Variants in FAM184B observed in about 807,000 individuals in gnomAD.
The protein encoded by FAM184B is protein FAM184B.
In FAM184B, 111 loss-of-function variants were observed where a neutral mutation model predicts 135.9. The observed-to-expected ratio is 0.82, with a 90% CI of 0.70 to 0.96. FAM184B has a LOEUF of 0.96. FAM184B is among the 40% of genes least tolerant of loss of function. FAM184B has a pLI of 0.00. For missense variants in FAM184B, 1,375 were observed against 1,323.9 expected (o/e 1.04, Z -0.60); for synonymous variants, 552 against 524.8 (o/e 1.05, Z -0.71).
intron 7 of FAM184B, among the ~76,000 whole-genome samples, chr4:17,680,243 TA>T: frequency 6.6e-6 from 1 of 152,204 alleles, no homozygotes; most frequent in East Asian, 1.9e-4. Context: ...TTGATGTCAT[TA>T]AAAATTATAT....
At chr4:17,683,980 C>T (rs1716508153) in intron 7 of FAM184B, among the ~76,000 whole-genome samples, 1 of 151,408 alleles carries the variant, frequency 6.6e-6, no homozygotes, top group Non-Finnish European at 1.5e-5. Context: ...GGAGTCTAGG[C>T]AGGAGGATTG....
intron 12 of FAM184B, among the ~76,000 whole-genome samples, chr4:17,642,680 C>T (rs1487669219): frequency 6.6e-6 from 1 of 152,224 alleles, no homozygotes; most frequent in African/African-American, 2.4e-5. Flanking sequence ...AGGGGTGACA[C>T]TGAAGAGAAT....
chr4:17,684,650 T>A (rs1237965548), intron 7 of FAM184B, among the ~76,000 whole-genome samples: 2 of 152,238 alleles, frequency 1.3e-5, no homozygotes, highest in East Asian at 3.8e-4. Flanking sequence ...AATGAATGAA[T>A]AACGTGCATA....
chr4:17,718,770 G>A (rs1049048758), intron 1 of FAM184B, among the ~76,000 whole-genome samples: 1 of 152,242 alleles, frequency 6.6e-6, no homozygotes, highest in African/African-American at 2.4e-5. Context: ...CCCCACCCCA[G>A]AGTGTGGAAT....
chr4:17,721,244 C>T (rs1472111200), intron 1 of FAM184B, among the ~76,000 whole-genome samples: 3 of 151,654 alleles, frequency 2.0e-5, no homozygotes, highest in Non-Finnish European at 4.4e-5. Context: ...ATTAGCCAGG[C>T]GTAGTGGCGG....
chr4:17,781,081 C>G lies in FAM184B; in HGVS notation c.141+78G>C, dbSNP rs538403381. 4.2e-6 allele frequency: 6 copies of G among 1,426,486 alleles called. No individual in the cohort carries two copies. Among genetic ancestry groups the G allele is most frequent in the South Asian group, 1.5e-5 (1 of 67,596 alleles). The allele number at this position is 1,426,486 out of a possible 1,614,324, so 88.4% of individuals were successfully genotyped here. A position where few individuals can be genotyped will look rare whatever the true frequency, so the allele number is the denominator to read the frequency against. ...CTGTCTGGATTTGGCCCGGGCCTCC[C>G]GGGAGGCGCATCCGCACTGACTCCC... is the stretch of plus-strand genomic sequence containing the variant. On this transcript the variant is annotated intron_variant, in intron 1 of 17. Transcript: ENST00000265018. This position sits in a 1 kb window ranked among gnomAD's most constrained non-coding sequence, Gnocchi z 6.5.
intron 7 of FAM184B, among the ~76,000 whole-genome samples, chr4:17,672,221 C>T (rs1162969673): frequency 6.6e-6 from 1 of 151,286 alleles, no homozygotes; most frequent in Admixed American, 6.6e-5. Context: ...AGAAAACTTG[C>T]AGGCCAGAAG....
intron 1 of FAM184B, among the ~76,000 whole-genome samples, chr4:17,717,493 T>C (rs1717421835): frequency 6.6e-6 from 1 of 152,118 alleles, no homozygotes; most frequent in South Asian, 2.1e-4. Context: ...ATCAGACTGC[T>C]CCAGGCCTCA....
At chr4:17,721,107 G>C (rs1219886496) in intron 1 of FAM184B, among the ~76,000 whole-genome samples, 1 of 151,212 alleles carries the variant, frequency 6.6e-6, no homozygotes, top group Non-Finnish European at 1.5e-5. Flanking sequence ...AATCTCGGCT[G>C]GGCGCGGTGG....
At chr4:17,694,453 G>C (rs1338124252) in intron 5 of FAM184B, among the ~76,000 whole-genome samples, 5 of 151,990 alleles carry the variant, frequency 3.3e-5, no homozygotes, top group Non-Finnish European at 5.9e-5. Flanking sequence ...AACCCAGGAG[G>C]GGGAGCTTGT....
chr4:17,719,843 C>T (rs1397338139), intron 1 of FAM184B, among the ~76,000 whole-genome samples: 1 of 152,220 alleles, frequency 6.6e-6, no homozygotes, highest in East Asian at 1.9e-4. Flanking sequence ...TCATCAGAGT[C>T]ACTAGTGATG....
chr4:17,691,914 G>T (rs775063950), intron 6 of FAM184B, among the ~76,000 whole-genome samples: 2 of 151,830 alleles, frequency 1.3e-5, no homozygotes, highest in African/African-American at 4.8e-5. Context: ...TTAGCCAGGC[G>T]TGGTGGCAGG....
intron 5 of FAM184B, among the ~76,000 whole-genome samples, chr4:17,698,936 G>A (rs2108961229): frequency 6.6e-6 from 1 of 152,138 alleles, no homozygotes; most frequent in East Asian, 1.9e-4. Flanking sequence ...GCAGAAAAAT[G>A]TGTCTCATAA....
chr4:17,781,076 C>A lies in FAM184B; in HGVS notation c.141+83G>T. ...AGTTTCTGTCTGGATTTGGCCCGGG[C>A]CTCCCGGGAGGCGCATCCGCACTGA... is the stretch of plus-strand genomic sequence containing the variant. On this transcript the variant is annotated intron_variant, in intron 1 of 17. Coordinates refer to ENST00000265018, the MANE Select transcript of FAM184B (RefSeq NM_015688.2). This position sits in a 1 kb window ranked among gnomAD's most constrained non-coding sequence, Gnocchi z 6.5. The A allele has an allele frequency of 2.1e-6, 3 of 1,414,118 alleles. No individual in the cohort carries two copies. The highest frequency in any genetic ancestry group is 9.3e-7 in the Non-Finnish European group (1 of 1,077,310). 87.6% of individuals were successfully genotyped at this position (1,414,118 alleles called of 1,614,324 possible).
rs1156762512 is a variant in FAM184B at position 17,639,530 on chromosome 4, T to C, written c.2520-134A>G. The C allele has an allele frequency of 2.8e-6, 3 of 1,087,320 alleles. No homozygotes were observed. In the East Asian group the frequency reaches 7.8e-5, roughly 28 times the overall value. 67.4% of individuals were successfully genotyped at this position (1,087,320 alleles called of 1,614,324 possible). ...GGAGAAATTGTGATCTAAGGACACC[T>C]GTGGGAAGAAGAGCTGAAGTCTCTT... On this transcript the variant is annotated intron_variant, in intron 13 of 17. Transcript: ENST00000265018.
intron 5 of FAM184B, among the ~76,000 whole-genome samples, chr4:17,697,683 A>G (rs192344866): frequency 1.3e-5 from 2 of 152,346 alleles, no homozygotes; most frequent in Admixed American, 1.3e-4. Context: ...AATAAAGAAG[A>G]CACTCACTAA....
chr4:17,661,311 G>A (rs1417860997), intron 8 of FAM184B, among the ~76,000 whole-genome samples: 3 of 152,208 alleles, frequency 2.0e-5, no homozygotes, highest in Admixed American at 6.5e-5. Flanking sequence ...AGCACTTTGG[G>A]AGGCAGAGGC....
Position 17,630,403 on chromosome 4 carries a change from G to C in FAM184B, c.*2129C>G, listed in dbSNP as rs541378128. 3.1e-4 allele frequency: 47 copies of C among 152,282 alleles called. No homozygotes were observed. Among genetic ancestry groups the C allele is most frequent in the African/African-American group, 1.1e-3 (45 of 41,560 alleles). The allele number at this position is 152,282 out of a possible 1,614,324, so 9.4% of individuals were successfully genotyped here. On this transcript the variant is annotated 3_prime_UTR_variant, in exon 18 of 18. Transcript: ENST00000265018. ...TAGGATAAGTACCCTTACAAAAGAG[G>C]CTCAGGGAGGCGCTCTTGCCTCTTC...
At chr4:17,677,463 C>T (rs1293866300) in intron 7 of FAM184B, among the ~76,000 whole-genome samples, 2 of 152,138 alleles carry the variant, frequency 1.3e-5, no homozygotes, top group Non-Finnish European at 2.9e-5. Flanking sequence ...ATATACAACT[C>T]TTCTAGATTA....
Sources: gnomAD v4.1 joint callset for allele counts (sites outside exome capture counted in the v4.1 genomes callset) on GRCh38, gnomAD v4.1.1 for gene constraint, Gnocchi (gnomAD v3.1) non-coding constraint, MANE v1.5 for transcripts, NCBI Gene and HGNC (gene_info 2026-07-23, HGNC 2026-07-21) for gene names.